Variants in GFM1 observed in about 807,000 individuals in gnomAD.
The protein encoded by GFM1 is elongation factor G, mitochondrial.
GFM1 carries 62 observed loss-of-function variants against 96.2 expected under a neutral mutation model. The observed-to-expected ratio is 0.64, with a 90% confidence interval of 0.53 to 0.80. The LOEUF is 0.80. Ranked by LOEUF, GFM1 falls within the 30% of genes least tolerant of loss-of-function variation. The probability of loss-of-function intolerance (pLI) is 0.00; values close to 1 mark genes in which losing one functional copy is unlikely to be tolerated. For missense variants in GFM1, 852 were observed against 916.6 expected (o/e 0.93, Z 0.91); for synonymous variants, 282 against 312.9 (o/e 0.90, Z 1.04).
At chr3:158,686,443 G>C (rs1725857591) in intron 15 of GFM1, among the ~76,000 whole-genome samples, 1 of 149,178 alleles carries the variant, frequency 6.7e-6, no homozygotes, top group Admixed American at 6.7e-5. Context: ...TTAGGACTTG[G>C]ATGCAATGCA....
intron 7 of GFM1, 55 bp downstream of exon 7, chr3:158,653,522 A>G: frequency 7.8e-7 from 1 of 1,278,314 alleles, no homozygotes; most frequent in South Asian, 1.2e-5. Context: ...GTATTTATGC[A>G]CTGTGAAGGA....
intron 13 of GFM1, among the ~76,000 whole-genome samples, chr3:158,677,802 AAAC>A (rs1400180003): frequency 6.6e-6 from 1 of 152,196 alleles, no homozygotes; most frequent in Non-Finnish European, 1.5e-5. Context: ...ATGCCTGGCC[AAAC>A]AACAGAGATT....
chr3:158,672,227 C>A, intron 13 of GFM1: 1 of 1,236,830 alleles, frequency 8.1e-7, no homozygotes, highest in Non-Finnish European at 1.1e-6. Flanking sequence ...AGCAGTGTGT[C>A]CTAAAACAGA....
At chr3:158,646,445 G>C in intron 3 of GFM1, 148 bp downstream of exon 3, 1 of 886,044 alleles carries the variant, frequency 1.1e-6, no homozygotes, top group South Asian at 1.6e-5. Context: ...TTAGGACCTA[G>C]AGCACTTCAT....
intron 1 of GFM1, among the ~76,000 whole-genome samples, chr3:158,645,156 T>C (rs1721662141): frequency 6.6e-6 from 1 of 152,154 alleles, no homozygotes; most frequent in African/African-American, 2.4e-5. Flanking sequence ...TTGGAGGGAA[T>C]TGGAAATCTT....
At chr3:158,647,668 A>G (rs567219662) in intron 4 of GFM1, among the ~76,000 whole-genome samples, 1 of 152,354 alleles carries the variant, frequency 6.6e-6, no homozygotes, top group South Asian at 2.1e-4. Flanking sequence ...TATATTTGAT[A>G]TGAAAGTGAA....
Position 158,646,876 on chromosome 3 carries a change from T to G in GFM1, c.501T>G (p.Val167=). ...ATCGTCAGATGAAGCGCTACAACGT[T>G]CCGTTTCTAACTTTTATTAACAAAT... ...TVNRQMKRYN[V]PFLTFINKLD... is the part of the protein sequence containing the mutation. Residue 167 remains valine (V), a synonymous_variant, in exon 4 of 18, where the codon GTT becomes GTG. Transcript: ENST00000486715. 6.2e-7 allele frequency: 1 copy of G among 1,614,140 alleles called. No individual in the cohort carries two copies. Among genetic ancestry groups the G allele is most frequent in the South Asian group, 1.1e-5 (1 of 91,074 alleles).
chr3:158,644,862 C>T, intron 1 of GFM1, 147 bp downstream of exon 1: 1 of 717,266 alleles, frequency 1.4e-6, no homozygotes, highest in South Asian at 1.6e-5. Flanking sequence ...AAAAGCACCT[C>T]GGTGCCTGCA....
intron 13 of GFM1, among the ~76,000 whole-genome samples, chr3:158,673,511 T>TTTC (rs1553851112): frequency 4.4e-5 from 6 of 136,876 alleles, no homozygotes; most frequent in African/African-American, 1.7e-4. Flanking sequence ...TTCTTTTCTT[T>TTTC]TTTTTTTTTT....
rs1391751050 is a variant in GFM1 at position 158,695,359 on chromosome 3, C to T, written c.*3892C>T. ...ACTGCACTCCAGCACTCCAGCACTC[C>T]AGCCTAGGCAACAGAGTGAGACTCT... On this transcript the variant is annotated 3_prime_UTR_variant, in exon 18 of 18. Transcript: ENST00000486715. The T allele has an allele frequency of 6.6e-6, 1 of 151,220 alleles. No homozygotes were observed. Among genetic ancestry groups the T allele is most frequent in the Non-Finnish European group, 1.5e-5 (1 of 67,910 alleles). 9.4% of individuals were successfully genotyped at this position (151,220 alleles called of 1,614,324 possible). A position where few individuals can be genotyped will look rare whatever the true frequency, so the allele number is the denominator to read the frequency against.
At chr3:158,690,088 T>C in intron 15 of GFM1, 75 bp from the exon 16 acceptor site, 1 of 1,302,970 alleles carries the variant, frequency 7.7e-7, no homozygotes, top group East Asian at 2.3e-5. Context: ...ATCATTTTTC[T>C]CCCTTTTTTA....
In GFM1 at chr3:158,644,535, A is replaced by G. The variant is rs1034401781; in HGVS notation, c.-100A>G. On this transcript the variant is annotated 5_prime_UTR_variant, in exon 1 of 18. Transcript: ENST00000486715. ...TCCTTTGCCCCGGAAGTGCTCTTAC[A>G]ACATTGGCTGCCGGCGTGACTTTGA... is the stretch of plus-strand genomic sequence containing the variant. 1.1e-6 allele frequency: 1 copy of G among 933,786 alleles called. No individual in the cohort carries two copies. Among genetic ancestry groups the G allele is most frequent in the African/African-American group, 1.7e-5 (1 of 60,480 alleles). The allele number at this position is 933,786 out of a possible 1,614,324, so 57.8% of individuals were successfully genotyped here. A position where few individuals can be genotyped will look rare whatever the true frequency, so the allele number is the denominator to read the frequency against.
At position 158,694,919 on chromosome 3, in the gene GFM1, T is replaced by C. The variant is rs996339009; in HGVS notation, c.*3452T>C. ...AAAATGAATGTCAAGCTGTATGTAA[T>C]TGTAATTAGCTAAGAGTGATTCAGA... On this transcript the variant is annotated 3_prime_UTR_variant, in exon 18 of 18. Coordinates refer to ENST00000486715, the MANE Select transcript of GFM1 (RefSeq NM_024996.7). Among the ~76,000 whole-genome samples the C allele has an allele frequency of 2.0e-5, 3 of 152,210 alleles. No individual in the cohort carries two copies. Among genetic ancestry groups the C allele is most frequent in the Non-Finnish European group, 2.9e-5 (2 of 68,032 alleles).
chr3:158,644,727 T>G lies in GFM1; in HGVS notation c.81+12T>G, dbSNP rs752744978. 1.3e-6 allele frequency: 2 copies of G among 1,567,286 alleles called. No individual in the cohort carries two copies. Among genetic ancestry groups the G allele is most frequent in the African/African-American group, 1.3e-5 (1 of 74,332 alleles). ...GGCAGAGGAAGCAGGTACCGGAGCA[T>G]AGAGAGGCTAAATCGGGACCATTCC... On this transcript the variant is annotated intron_variant, in intron 1 of 17. Coordinates refer to ENST00000486715, the MANE Select transcript of GFM1 (RefSeq NM_024996.7).
intron 13 of GFM1, chr3:158,672,229 TA>T: frequency 7.7e-7 from 1 of 1,295,084 alleles, no homozygotes; most frequent in Non-Finnish European, 1.1e-6. Context: ...CAGTGTGTCC[TA>T]AAACAGAAGG....
intron 10 of GFM1, among the ~76,000 whole-genome samples, chr3:158,662,307 C>A (rs1015402664): frequency 3.3e-5 from 5 of 152,058 alleles, no homozygotes; most frequent in African/African-American, 1.2e-4. Flanking sequence ...TTGCAACAGC[C>A]ACCAAGCAAT....
chr3:158,665,495 T>TTA, intron 12 of GFM1, 21 bp downstream of exon 12: 1 of 1,591,388 alleles, frequency 6.3e-7, no homozygotes, highest in Non-Finnish European at 8.6e-7. Flanking sequence ...ATAAGGAAGT[T>TTA]AAGTTGAAAT....
At chr3:158,676,219 A>G (rs1461846459) in intron 13 of GFM1, among the ~76,000 whole-genome samples, 3 of 152,192 alleles carry the variant, frequency 2.0e-5, no homozygotes, top group Non-Finnish European at 2.9e-5. Context: ...ATGAGCCGAG[A>G]TTGCACCAGT....
chr3:158,672,921 C>T (rs891978557), intron 13 of GFM1, among the ~76,000 whole-genome samples: 1 of 152,126 alleles, frequency 6.6e-6, no homozygotes, highest in African/African-American at 2.4e-5. Context: ...AGTTTCCTGT[C>T]CATGGGAAAA....
Sources: allele counts gnomAD v4.1 joint callset (sites outside exome capture counted in the v4.1 genomes callset), GRCh38; gene constraint gnomAD v4.1.1; transcripts MANE v1.5; gene names NCBI Gene and HGNC (gene_info 2026-07-23, HGNC 2026-07-21).